GRM7: variants seen among roughly 807,000 people sequenced by gnomAD.
The protein encoded by GRM7 is glutamate metabotropic receptor 7.
GRM7 carries 35 observed loss-of-function variants against 84.5 expected under a neutral mutation model. That is an observed-to-expected ratio of 0.41 (90% CI 0.32 to 0.55). The LOEUF is 0.55. GRM7 is among the 20% of genes least tolerant of loss of function. The pLI is 0.19. For missense variants in GRM7, 1,003 were observed against 1,194.6 expected (o/e 0.84, Z 2.36); for synonymous variants, 487 against 455.1 (o/e 1.07, Z -0.89).
At position 7,036,779 on chromosome 3, in the gene GRM7, G is replaced by T. The variant is rs1422368225; in HGVS notation, c.520-109673G>T. ...CACTGGTTTTCTAAAAATTAGCAAG[G>T]TCTTTCTTGCTTTATATAACTTGCT... On this transcript the variant is annotated intron_variant, in intron 1 of 9. Transcript: ENST00000357716. 4.2e-5 allele frequency among the ~76,000 whole-genome samples: 4 copies of T among 95,614 alleles called. 1 individual carries two copies. The highest frequency in any genetic ancestry group is 0.01 in the Middle Eastern group (2 of 194). The allele number at this position is 95,614 out of a possible 152,430, so 62.7% of individuals were successfully genotyped here. A position where few individuals can be genotyped will look rare whatever the true frequency, so the allele number is the denominator to read the frequency against.
At chr3:7,389,417 T>G (rs2125138958) in intron 4 of GRM7, among the ~76,000 whole-genome samples, 1 of 152,254 alleles carries the variant, frequency 6.6e-6, no homozygotes, top group African/African-American at 2.4e-5. Context: ...TAGAATTTGT[T>G]AGTTCTCTGC....
rs546309184 is a variant in GRM7 at position 7,160,504 on chromosome 3, T to G, written c.736+13836T>G. The stretch of plus-strand genomic sequence containing the variant: ...ACCCTCAGTGCTCTCTCTCTGGTCC[T>G]GCTGGATAGATTTAGGTTTCCTTTC... On this transcript the variant is annotated intron_variant, in intron 2 of 9. Coordinates refer to ENST00000357716, the MANE Select transcript of GRM7 (RefSeq NM_000844.4). 6.1e-4 allele frequency among the ~76,000 whole-genome samples: 93 copies of G among 152,290 alleles called. 1 individual carries two copies. The highest frequency in any genetic ancestry group is 2.0e-3 in the African/African-American group (84 of 41,564).
At chr3:7,085,382 C>G (rs1698419004) in intron 1 of GRM7, among the ~76,000 whole-genome samples, 1 of 151,980 alleles carries the variant, frequency 6.6e-6, no homozygotes. Flanking sequence ...AACAATATGC[C>G]TGAATTTATA....
At chr3:7,583,482 A>G (rs1443936165) in intron 8 of GRM7, among the ~76,000 whole-genome samples, 2 of 152,204 alleles carry the variant, frequency 1.3e-5, no homozygotes, top group Non-Finnish European at 2.9e-5. Context: ...CTTTCTCAAT[A>G]CAGTTTTAAA....
intron 1 of GRM7, among the ~76,000 whole-genome samples, chr3:6,994,580 T>C (rs1446725582): frequency 6.6e-6 from 1 of 152,232 alleles, no homozygotes; most frequent in Non-Finnish European, 1.5e-5. Context: ...GTTTTTGTTG[T>C]TGAATTTTTT....
At chr3:7,510,617 G>T (rs993350682) in intron 7 of GRM7, among the ~76,000 whole-genome samples, 25 of 152,144 alleles carry the variant, frequency 1.6e-4, no homozygotes, top group African/African-American at 4.6e-4. Context: ...TAAAATAAAA[G>T]AAGTTATTGG....
At chr3:7,694,001 C>T (rs750821627) in intron 9 of GRM7, among the ~76,000 whole-genome samples, 3 of 152,130 alleles carry the variant, frequency 2.0e-5, no homozygotes, top group Non-Finnish European at 4.4e-5. Context: ...ACTGAAAAGC[C>T]AGTCTCTTTC....
intron 1 of GRM7, among the ~76,000 whole-genome samples, chr3:7,144,584 G>A (rs549134321): frequency 5.8e-4 from 88 of 152,230 alleles, no homozygotes; most frequent in African/African-American, 2.0e-3. Flanking sequence ...CTTTATTTTC[G>A]ATGATTATTA....
At chr3:6,996,688 C>T (rs1373936409) in intron 1 of GRM7, among the ~76,000 whole-genome samples, 2 of 152,172 alleles carry the variant, frequency 1.3e-5, no homozygotes, top group Non-Finnish European at 2.9e-5. Context: ...AATTTTCTGT[C>T]ACAAAAGCAA....
At chr3:7,130,404 G>T (rs138612569) in intron 1 of GRM7, among the ~76,000 whole-genome samples, 89 of 152,120 alleles carry the variant, frequency 5.9e-4, no homozygotes, top group African/African-American at 2.0e-3. Flanking sequence ...TTAGCCAGGT[G>T]TGGTGGCAGG....
At chr3:7,529,644 C>A (rs1313961216) in intron 7 of GRM7, among the ~76,000 whole-genome samples, 1 of 152,044 alleles carries the variant, frequency 6.6e-6, no homozygotes, top group Non-Finnish European at 1.5e-5. Context: ...CTGTATGATT[C>A]CCTGAATGCA....
intron 1 of GRM7, among the ~76,000 whole-genome samples, chr3:6,865,940 C>T (rs542929605): frequency 6.6e-6 from 1 of 152,182 alleles, no homozygotes; most frequent in East Asian, 1.9e-4. Flanking sequence ...TCCACATTTA[C>T]TGTGTTTTAG....
chr3:7,490,068 T>C lies in GRM7; in HGVS notation c.1515+28346T>C, dbSNP rs187115209. The stretch of plus-strand genomic sequence containing the variant: ...CTAACTAAAAATTCTCGAACACTTA[T>C]ACAATTATAACAGAAAAGATATCAA... On this transcript the variant is annotated intron_variant, in intron 7 of 9. Transcript: ENST00000357716. 2.0e-3 allele frequency among the ~76,000 whole-genome samples: 304 copies of C among 152,190 alleles called. 2 individuals carry two copies. The highest frequency in any genetic ancestry group is 6.4e-3 in the African/African-American group (264 of 41,552).
intron 1 of GRM7, among the ~76,000 whole-genome samples, chr3:6,899,130 A>G (rs925172029): frequency 6.6e-6 from 1 of 152,190 alleles, no homozygotes; most frequent in African/African-American, 2.4e-5. Context: ...AGCTAAGGTG[A>G]TAATGATCAT....
At chr3:6,958,119 T>C (rs996168956) in intron 1 of GRM7, among the ~76,000 whole-genome samples, 1 of 151,980 alleles carries the variant, frequency 6.6e-6, no homozygotes, top group Non-Finnish European at 1.5e-5. Flanking sequence ...CCACTAGCCA[T>C]CATCGTAATC....
chr3:7,157,846 A>G (rs1574972170), intron 2 of GRM7, among the ~76,000 whole-genome samples: 1 of 152,068 alleles, frequency 6.6e-6, no homozygotes, highest in East Asian at 1.9e-4. Context: ...TCTTCCCTGC[A>G]CACACATGGA....
chr3:7,690,149 G>A (rs1309476532), intron 9 of GRM7, among the ~76,000 whole-genome samples: 3 of 152,160 alleles, frequency 2.0e-5, no homozygotes, highest in East Asian at 1.9e-4. Flanking sequence ...AAGCAGTTAC[G>A]TGAGGCTATT....
At chr3:7,214,434 C>T (rs932906722) in intron 2 of GRM7, among the ~76,000 whole-genome samples, 5 of 152,208 alleles carry the variant, frequency 3.3e-5, no homozygotes, top group African/African-American at 1.2e-4. Context: ...CCTTAGAGTT[C>T]ATCCTATTGG....
Position 7,079,116 on chromosome 3 carries a change from A to T in GRM7, c.520-67336A>T, listed in dbSNP as rs1306535657. The stretch of plus-strand genomic sequence containing the variant: ...TGAATTATGTTCTCTACGTTCATTT[A>T]TCCTTCTGTTTTATGTTAAAGCAAT... On this transcript the variant is annotated intron_variant, in intron 1 of 9. Coordinates refer to ENST00000357716, the MANE Select transcript of GRM7 (RefSeq NM_000844.4). Among the ~76,000 whole-genome samples the T allele has an allele frequency of 3.3e-5, 5 of 152,212 alleles. No individual in the cohort carries two copies. The South Asian group carries it at 1.0e-3, about 32-fold the overall frequency.
Sources: allele counts gnomAD v4.1 joint callset (sites outside exome capture counted in the v4.1 genomes callset), GRCh38; gene constraint gnomAD v4.1.1; transcripts MANE v1.5; gene names NCBI Gene and HGNC (gene_info 2026-07-23, HGNC 2026-07-21).